The following ZNF79 variants were observed in gnomAD, a reference collection of about 807,000 sequenced individuals.
The protein encoded by ZNF79 is zinc finger protein 79.
ZNF79 carries 13 observed loss-of-function variants against 14.9 expected under a neutral mutation model. The observed-to-expected ratio is 0.87, with a 90% confidence interval of 0.57 to 1.38. ZNF79 has a LOEUF of 1.38. Ranked by LOEUF, ZNF79 falls within the 40% of genes most tolerant of loss-of-function variation. ZNF79 has a pLI of 0.00. For synonymous variants in ZNF79, 223 were observed against 235.1 expected, an observed-to-expected ratio of 0.95 and a Z score of 0.47; for missense variants, 631 against 630.6, an observed-to-expected ratio of 1.00 and a Z score of -0.01.
In ZNF79 at chr9:127,444,079, T is replaced by G; in HGVS notation, c.379T>G (p.Ser127Ala). The change falls in exon 5 of 5, where the codon TCA (serine) becomes GCA (alanine). Residue 127 changes from serine to alanine, a missense_variant. Physicochemically the swap from Ser to Ala is moderately conservative, Grantham distance 99. Coordinates refer to ENST00000342483, the MANE Select transcript of ZNF79 (RefSeq NM_007135.3). ...ACCAGAGCAAGCCCTTTCTGAAGCT[T>G]CATTCCAAGACCCATGTGTAGAGAT... ...SPPEQALSEA[S>A]FQDPCVEMPP... is the part of the protein sequence containing the mutation. The G allele has an allele frequency of 6.2e-7, 1 of 1,609,586 alleles. No homozygotes were observed. The highest frequency in any genetic ancestry group is 8.5e-7 in the Non-Finnish European group (1 of 1,177,900).
At chr9:127,427,690 C>T (rs369841645) in intron 1 of ZNF79, among the ~76,000 whole-genome samples, 1 of 151,936 alleles carries the variant, frequency 6.6e-6, no homozygotes, top group Non-Finnish European at 1.5e-5. Flanking sequence ...TGCAGGCATG[C>T]GCCACCACGG....
chr9:127,438,421 C>T (rs982215480), intron 4 of ZNF79, among the ~76,000 whole-genome samples: 1 of 152,198 alleles, frequency 6.6e-6, no homozygotes, highest in Non-Finnish European at 1.5e-5. Flanking sequence ...GTGCAGGGAG[C>T]TTTCATGCCT....
At chr9:127,441,640 C>T (rs1834049119) in intron 4 of ZNF79, among the ~76,000 whole-genome samples, 1 of 149,692 alleles carries the variant, frequency 6.7e-6, no homozygotes, top group African/African-American at 2.5e-5. Flanking sequence ...GTTGAAACCC[C>T]ATCTCTACTA....
intron 2 of ZNF79, 52 bp downstream of exon 2, chr9:127,428,972 A>G (rs1833811630): frequency 8.1e-7 from 1 of 1,236,258 alleles, no homozygotes. Flanking sequence ...CCCTAATACT[A>G]ATGGTAGGGT....
rs145090825 is a variant in ZNF79, at chr9:127,443,629, C to T, written c.329-400C>T. Among the ~76,000 whole-genome samples, 18 of 152,078 alleles carry T rather than the reference C, an allele frequency of 1.2e-4. No homozygotes were observed. The East Asian group carries it at 2.3e-3, about 20-fold the overall frequency. On this transcript the variant is annotated intron_variant, in intron 4 of 4. Coordinates refer to ENST00000342483, the MANE Select transcript of ZNF79 (RefSeq NM_007135.3). The stretch of plus-strand genomic sequence containing the variant: ...CCTTATGAAAGGAGGTGGCTGGGCG[C>T]GGTGGCTCACGCCTGTAATCCCAGT...
intron 2 of ZNF79, among the ~76,000 whole-genome samples, chr9:127,429,487 ATTT>A (rs10718320): frequency 1.1e-4 from 15 of 141,056 alleles, no homozygotes; most frequent in Middle Eastern, 3.5e-3. Flanking sequence ...TGCCTAGCTA[ATTT>A]TTTTTTTTTT....
chr9:127,424,441 G>A lies in ZNF79; in HGVS notation c.-347G>A, dbSNP rs540821407. ...CCTGGCGTTGGGCGGTACTTGGACAGCGGTTCTTGAGCTCTCGCGGTTGCC... is the reference window on the plus strand; with the variant it reads ...CCTGGCGTTGGGCGGTACTTGGACAACGGTTCTTGAGCTCTCGCGGTTGCC... On this transcript the variant is annotated 5_prime_UTR_variant, in exon 1 of 5. Transcript: ENST00000342483. The A allele has an allele frequency of 6.4e-5, 18 of 279,602 alleles. No individual in the cohort carries two copies. The highest frequency in any genetic ancestry group is 9.8e-5 in the Non-Finnish European group (14 of 142,410). 17.3% of individuals were successfully genotyped at this position (279,602 alleles called of 1,614,324 possible). A position where few individuals can be genotyped will look rare whatever the true frequency, so the allele number is the denominator to read the frequency against.
chr9:127,436,518 T>TA (rs1833950851), intron 4 of ZNF79, among the ~76,000 whole-genome samples: 1 of 152,186 alleles, frequency 6.6e-6, no homozygotes, highest in East Asian at 1.9e-4. Flanking sequence ...AAAGGGCTGA[T>TA]ACTAAGAAAC....
chr9:127,430,076 A>G (rs1219210891), intron 2 of ZNF79, among the ~76,000 whole-genome samples: 2 of 152,164 alleles, frequency 1.3e-5, no homozygotes, highest in East Asian at 3.8e-4. Context: ...TCAGCCTCCC[A>G]AAGTGCTGGA....
chr9:127,439,406 A>G (rs1834011593), intron 4 of ZNF79, among the ~76,000 whole-genome samples: 1 of 152,166 alleles, frequency 6.6e-6, no homozygotes. Context: ...AAAATTGTCA[A>G]CTGTAGAGTT....
At chr9:127,433,633 G>T (rs1479179568) in intron 2 of ZNF79, among the ~76,000 whole-genome samples, 1 of 152,104 alleles carries the variant, frequency 6.6e-6, no homozygotes, top group Non-Finnish European at 1.5e-5. Context: ...TACAGCTCCT[G>T]CCCAGAGTCT....
chr9:127,437,079 A>G lies in ZNF79; in HGVS notation c.328+1076A>G, dbSNP rs1055251603. On this transcript the variant is annotated intron_variant, in intron 4 of 4. Coordinates refer to ENST00000342483, the MANE Select transcript of ZNF79 (RefSeq NM_007135.3). ...CTGTCTTAAAAAAAAAAAAAAAAAA[A>G]AAGAAGATGCAACCTGTCTGTTTGT... Among the ~76,000 whole-genome samples, 30 of 151,492 alleles carry G rather than the reference A, an allele frequency of 2.0e-4. No individual in the cohort carries two copies. In the East Asian group the frequency reaches 4.8e-3, roughly 24 times the overall value.
intron 4 of ZNF79, among the ~76,000 whole-genome samples, chr9:127,442,778 A>G (rs147306347): frequency 0.034 from 5,097 of 151,586 alleles, 288 homozygotes; most frequent in African/African-American, 0.12. Flanking sequence ...GGGAGGATCA[A>G]TTGAGCCCAG....
chr9:127,434,430 T>A (rs1375958938), intron 2 of ZNF79, among the ~76,000 whole-genome samples: 1 of 152,246 alleles, frequency 6.6e-6, no homozygotes, highest in Admixed American at 6.5e-5. Flanking sequence ...GATTCTTCAC[T>A]GTATCAACTC....
rs748845978 is a variant in ZNF79, at chr9:127,436,006, A to G, written c.328+3A>G. ...AGACCTGCGAAGTCCCTCTCCAGGT[A>G]TGTGAGCAAGCACTTAGCCAGTGGG... On this transcript the variant is annotated splice_donor_region_variant and intron_variant, in intron 4 of 4. Transcript: ENST00000342483. The G allele has an allele frequency of 1.4e-5, 23 of 1,613,856 alleles. No individual in the cohort carries two copies. The East Asian group carries it at 2.7e-4, about 19-fold the overall frequency.
At position 127,424,730 on chromosome 9, in the gene ZNF79, A is replaced by G; in HGVS notation, c.-58A>G. On this transcript the variant is annotated 5_prime_UTR_variant, in exon 1 of 5. Transcript: ENST00000342483. ...TGCAGAACGGGGTGGGGGCTGCTGT[A>G]GATAGACCCTTACGCCCAGAGAACT... The G allele has an allele frequency of 1.2e-6, 2 of 1,612,682 alleles. No individual in the cohort carries two copies. Among genetic ancestry groups the G allele is most frequent in the South Asian group, 2.2e-5 (2 of 90,904 alleles).
intron 1 of ZNF79, among the ~76,000 whole-genome samples, chr9:127,426,702 ATCCCTTTT>A (rs1355366936): frequency 1.3e-5 from 2 of 152,140 alleles, no homozygotes; most frequent in African/African-American, 4.8e-5. Context: ...TCAGTACTTC[ATCCCTTTT>A]TGTGGTAGAA....
Position 127,444,795 on chromosome 9 carries a change from G to A in ZNF79, c.1095G>A (p.Ala365=), listed in dbSNP as rs61747648. The change falls in exon 5 of 5, where the codon GCG becomes GCA. Residue 365 remains alanine (A), a synonymous_variant. Coordinates refer to ENST00000342483, the MANE Select transcript of ZNF79 (RefSeq NM_007135.3). ...GGGAGAAGCCCTACAGATGTGCCGC[G>A]TGTGGGAAGGCCTTCAGCCAGAGTG... ...HTGEKPYRCA[A]CGKAFSQSAN... is the part of the protein sequence containing the mutation. 525 of 1,600,482 alleles carry A rather than the reference G, an allele frequency of 3.3e-4. No individual in the cohort carries two copies. In the Middle Eastern group the frequency reaches 4.5e-3, roughly 14 times the overall value.
intron 4 of ZNF79, among the ~76,000 whole-genome samples, chr9:127,436,743 A>G (rs544682973): frequency 6.6e-6 from 1 of 152,348 alleles, no homozygotes; most frequent in South Asian, 2.1e-4. Flanking sequence ...TTGAGGTGAC[A>G]ACATTTGACA....
Sources: gnomAD v4.1 joint callset for allele counts (sites outside exome capture counted in the v4.1 genomes callset) on GRCh38, gnomAD v4.1.1 for gene constraint, MANE v1.5 for transcripts, NCBI Gene and HGNC (gene_info 2026-07-23, HGNC 2026-07-21) for gene names.